PMM2: variants seen among roughly 807,000 people sequenced by gnomAD.
The protein encoded by PMM2 is mannose-6-phosphate isomerase.
Under a neutral mutation model 33.2 loss-of-function variants are expected in PMM2, and 35 were observed. That is an observed-to-expected ratio of 1.06 (90% CI 0.81 to 1.40). PMM2 has a LOEUF of 1.40. Among genes scored for constraint, PMM2 ranks in the 40% most tolerant of loss-of-function variants. The probability of loss-of-function intolerance (pLI) is 0.00; values close to 1 mark genes in which losing one functional copy is unlikely to be tolerated. For synonymous variants in PMM2, 153 were observed against 114.7 expected (o/e 1.33, Z -2.13); for missense variants, 386 against 306.0 (o/e 1.26, Z -1.95).
At chr16:8,834,403 G>A (rs2060830269) in intron 7 of PMM2, among the ~76,000 whole-genome samples, 2 of 151,976 alleles carry the variant, frequency 1.3e-5, no homozygotes, top group South Asian at 2.1e-4. Context: ...GAGGAATTAT[G>A]TCTGACAGAA....
chr16:8,847,686 C>T (rs191065180), intron 7 of PMM2, 38 bp from the exon 8 acceptor site: 78 of 1,471,822 alleles, frequency 5.3e-5, no homozygotes, highest in African/African-American at 2.9e-4. Flanking sequence ...CCGGGACAGA[C>T]GAGGGGGAGC....
chr16:8,843,803 A>G (rs1195348859), intron 7 of PMM2, among the ~76,000 whole-genome samples: 1 of 152,184 alleles, frequency 6.6e-6, no homozygotes, highest in Admixed American at 6.5e-5. Context: ...TGAGAATAAG[A>G]CGGCCTTTTG....
At chr16:8,830,645 A>G (rs1297309561) in intron 7 of PMM2, among the ~76,000 whole-genome samples, 1 of 152,116 alleles carries the variant, frequency 6.6e-6, no homozygotes, top group Non-Finnish European at 1.5e-5. Context: ...AAATACCTCA[A>G]GCACTGATCT....
At chr16:8,809,429 T>G (rs1205972751) in intron 4 of PMM2, 1 of 152,176 alleles carries the variant, frequency 6.6e-6, no homozygotes, top group Admixed American at 6.6e-5. Context: ...GGTGGTTTTC[T>G]TTTTTTGGTT....
intron 7 of PMM2, among the ~76,000 whole-genome samples, chr16:8,825,556 C>T (rs373036344): frequency 5.9e-5 from 9 of 151,578 alleles, no homozygotes; most frequent in East Asian, 2.0e-4. Flanking sequence ...CCTGACCCCA[C>T]GTGATCGCCC....
chr16:8,811,847 T>C, intron 6 of PMM2, 134 bp downstream of exon 6: 1 of 716,922 alleles, frequency 1.4e-6, no homozygotes, highest in Admixed American at 2.1e-5. Context: ...GTCCAGTCTA[T>C]AGACAAAAAC....
chr16:8,826,184 T>G lies in PMM2; in HGVS notation c.639+13078T>G, dbSNP rs1024234884. On this transcript the variant is annotated intron_variant, in intron 7 of 7. Coordinates refer to ENST00000268261, the MANE Select transcript of PMM2 (RefSeq NM_000303.3). ...GCCAGCTTGCTCACACACAGAGTTGTTCACAAAGTTAATTTTTCACAAACC... is the reference window on the plus strand; with the variant it reads ...GCCAGCTTGCTCACACACAGAGTTGGTCACAAAGTTAATTTTTCACAAACC... 2.2e-4 allele frequency among the ~76,000 whole-genome samples: 33 copies of G among 151,844 alleles called. 1 individual carries two copies. The highest frequency in any genetic ancestry group is 8.0e-4 in the African/African-American group (33 of 41,456).
chr16:8,829,073 G>C (rs2060794735), intron 7 of PMM2: 1 of 152,240 alleles, frequency 6.6e-6, no homozygotes, highest in Admixed American at 6.6e-5. Context: ...CACCCACCGG[G>C]TTCCAGTGAT....
At chr16:8,839,528 G>A (rs2060875498) in intron 7 of PMM2, among the ~76,000 whole-genome samples, 1 of 151,998 alleles carries the variant, frequency 6.6e-6, no homozygotes, top group African/African-American at 2.4e-5. Context: ...TTCGGGGCTG[G>A]GTAAAAGTAA....
chr16:8,801,554 C>T (rs1490324723), intron 1 of PMM2, among the ~76,000 whole-genome samples: 1 of 152,016 alleles, frequency 6.6e-6, no homozygotes, highest in Non-Finnish European at 1.5e-5. Context: ...AACTATGGTC[C>T]CAGCTACTCA....
At chr16:8,826,953 A>T (rs533424397) in intron 7 of PMM2, among the ~76,000 whole-genome samples, 1 of 152,170 alleles carries the variant, frequency 6.6e-6, no homozygotes, top group Non-Finnish European at 1.5e-5. Flanking sequence ...TTTCTCATAT[A>T]AATTTCTTTT....
intron 7 of PMM2, among the ~76,000 whole-genome samples, chr16:8,826,012 C>T (rs1318834499): frequency 6.6e-6 from 1 of 152,158 alleles, no homozygotes; most frequent in Admixed American, 6.5e-5. Context: ...CGTCGGCCTT[C>T]CAAAGTGCTA....
Position 8,847,754 on chromosome 16 carries a change from C to G in PMM2, c.670C>G (p.Pro224Ala). The G allele has an allele frequency of 1.2e-6, 2 of 1,613,970 alleles. No individual in the cohort carries two copies. ...CAATGACCATGAGATCTTCACAGAC[C>G]CCAGAACCATGGGCTACTCCGTGAC... is the stretch of plus-strand genomic sequence containing the variant. Reference protein sequence around the residue: ...GGNDHEIFTDPRTMGYSVTAP... With the variant: ...GGNDHEIFTDARTMGYSVTAP... Residue 224 changes from proline (P) to alanine (A), a missense_variant, in exon 8 of 8, where the codon CCC (proline) becomes GCC (alanine). By Grantham distance (27) the Pro-to-Ala change is conservative. Transcript: ENST00000268261.
At chr16:8,820,542 C>T (rs1327610728) in intron 7 of PMM2, among the ~76,000 whole-genome samples, 1 of 151,964 alleles carries the variant, frequency 6.6e-6, no homozygotes, top group East Asian at 1.9e-4. Flanking sequence ...TTAGTAGAGA[C>T]GGGGTTTCAC....
chr16:8,827,784 T>G (rs1306343577), intron 7 of PMM2, among the ~76,000 whole-genome samples: 2 of 54,606 alleles, frequency 3.7e-5, no homozygotes, highest in African/African-American at 1.4e-4. Flanking sequence ...ATATATATAT[T>G]TATATATATT....
intron 7 of PMM2, among the ~76,000 whole-genome samples, chr16:8,825,327 G>A (rs934723577): frequency 3.3e-5 from 5 of 149,888 alleles, no homozygotes; most frequent in South Asian, 2.1e-4. Context: ...CACTGTGCCC[G>A]GCCTGTTGTA....
intron 7 of PMM2, among the ~76,000 whole-genome samples, chr16:8,827,015 CA>C (rs1198067686): frequency 2.0e-5 from 3 of 152,126 alleles, no homozygotes; most frequent in African/African-American, 7.2e-5. Context: ...ACTTTTTTCA[CA>C]TATCTCTCTC....
At chr16:8,839,483 C>T (rs1184727099) in intron 7 of PMM2, among the ~76,000 whole-genome samples, 1 of 151,822 alleles carries the variant, frequency 6.6e-6, no homozygotes, top group Non-Finnish European at 1.5e-5. Context: ...TATGAGAAAA[C>T]GTTGAGTATC....
At chr16:8,816,346 G>A (rs140535478) in intron 7 of PMM2, among the ~76,000 whole-genome samples, 2 of 151,624 alleles carry the variant, frequency 1.3e-5, no homozygotes, top group Non-Finnish European at 2.9e-5. Flanking sequence ...GCCTGGTCTC[G>A]AACTCATGAC....
Sources: allele counts gnomAD v4.1 joint callset (sites outside exome capture counted in the v4.1 genomes callset), GRCh38; gene constraint gnomAD v4.1.1; transcripts MANE v1.5; gene names NCBI Gene and HGNC (gene_info 2026-07-23, HGNC 2026-07-21).